Variants in SERGEF observed in about 807,000 individuals in gnomAD.
SERGEF encodes secretion-regulating guanine nucleotide exchange factor.
A neutral mutation model predicts 50.0 loss-of-function variants in SERGEF; 51 were observed. That is an observed-to-expected ratio of 1.02 (90% CI 0.81 to 1.29). The LOEUF is 1.29. SERGEF is among the 50% of genes most tolerant of loss of function. SERGEF has a pLI of 0.00. For missense variants in SERGEF, 521 were observed against 557.0 expected, an observed-to-expected ratio of 0.94 and a Z score of 0.65; for synonymous variants, 205 against 212.4, an observed-to-expected ratio of 0.97 and a Z score of 0.30.
intron 10 of SERGEF, among the ~76,000 whole-genome samples, chr11:17,810,119 A>C (rs563673902): frequency 3.2e-4 from 49 of 152,284 alleles, no homozygotes; most frequent in Non-Finnish European, 3.1e-4. Context: ...CCATTTAGGG[A>C]GAATGCCCTG....
chr11:17,815,454 A>T (rs1849955069), intron 10 of SERGEF, among the ~76,000 whole-genome samples: 2 of 151,312 alleles, frequency 1.3e-5, no homozygotes, highest in Non-Finnish European at 2.9e-5. Context: ...AAAAAAAAAA[A>T]AAATACAAAG....
At chr11:17,793,072 A>G (rs1456483204) in intron 10 of SERGEF, among the ~76,000 whole-genome samples, 2 of 152,172 alleles carry the variant, frequency 1.3e-5, no homozygotes, top group Non-Finnish European at 2.9e-5. Flanking sequence ...AATGGTACGT[A>G]GGTCCCCACT....
At chr11:17,983,953 A>G (rs1045554198) in intron 8 of SERGEF, among the ~76,000 whole-genome samples, 3 of 152,228 alleles carry the variant, frequency 2.0e-5, no homozygotes, top group Non-Finnish European at 4.4e-5. Context: ...CAAGGGACCA[A>G]GCAAAGGCCA....
intron 9 of SERGEF, among the ~76,000 whole-genome samples, chr11:17,942,366 T>C (rs1414874884): frequency 6.6e-6 from 1 of 152,226 alleles, no homozygotes; most frequent in Non-Finnish European, 1.5e-5. Context: ...CTTTTTGATA[T>C]AACTGTAAAA....
intron 10 of SERGEF, among the ~76,000 whole-genome samples, chr11:17,819,532 C>T (rs111617914): frequency 2.6e-5 from 4 of 152,202 alleles, no homozygotes; most frequent in South Asian, 2.1e-4. Flanking sequence ...TGAGGTCACA[C>T]GGTGAATGAG....
intron 9 of SERGEF, among the ~76,000 whole-genome samples, chr11:17,942,289 AGT>A (rs983617370): frequency 2.0e-5 from 3 of 152,070 alleles, no homozygotes; most frequent in African/African-American, 7.2e-5. Flanking sequence ...TTCTCCCAGC[AGT>A]GTTTTGTAGT....
intron 8 of SERGEF, among the ~76,000 whole-genome samples, chr11:17,973,117 C>T (rs1347805294): frequency 6.6e-6 from 1 of 152,144 alleles, no homozygotes. Flanking sequence ...GCTGGGAATG[C>T]GACTTGGGAG....
Position 17,809,635 on chromosome 11 carries a change from C to G in SERGEF, c.1049-21222G>C, listed in dbSNP as rs564935017. Among the ~76,000 whole-genome samples, 9 of 152,166 alleles carry G rather than the reference C, an allele frequency of 5.9e-5. No individual in the cohort carries two copies. In the South Asian group the frequency reaches 1.9e-3, roughly 32 times the overall value. On this transcript the variant is annotated intron_variant, in intron 10 of 10. Transcript: ENST00000265965. ...TCTAAGAGGAGGAGGACAAACAAAGCCTGAGCTGTCTCAGTGGCAGTGGGA... is the reference window on the plus strand; with the variant it reads ...TCTAAGAGGAGGAGGACAAACAAAGGCTGAGCTGTCTCAGTGGCAGTGGGA...
chr11:17,909,591 T>A (rs767060144), intron 9 of SERGEF, among the ~76,000 whole-genome samples: 5 of 152,228 alleles, frequency 3.3e-5, no homozygotes, highest in Non-Finnish European at 7.4e-5. Context: ...AGAATATAGA[T>A]GTCTTCTTGA....
chr11:18,006,558 T>A, intron 3 of SERGEF, 33 bp downstream of exon 3: 1 of 1,598,242 alleles, frequency 6.3e-7, no homozygotes, highest in Non-Finnish European at 8.5e-7. Context: ...AAAGCCTTTG[T>A]GGTGACAAAA....
At chr11:17,863,282 A>G (rs568506818) in intron 10 of SERGEF, among the ~76,000 whole-genome samples, 3 of 152,350 alleles carry the variant, frequency 2.0e-5, no homozygotes, top group African/African-American at 7.2e-5. Flanking sequence ...TAACGAAAAA[A>G]AAGTTTTATC....
intron 9 of SERGEF, among the ~76,000 whole-genome samples, chr11:17,933,446 T>TA (rs1194372289): frequency 6.6e-6 from 1 of 152,140 alleles, no homozygotes; most frequent in African/African-American, 2.4e-5. Flanking sequence ...GAAAGAGCAC[T>TA]AAACTGGGTA....
chr11:17,869,316 T>C (rs1041620733), intron 10 of SERGEF, among the ~76,000 whole-genome samples: 1 of 152,134 alleles, frequency 6.6e-6, no homozygotes, highest in African/African-American at 2.4e-5. Flanking sequence ...GAAAATACAT[T>C]TGCAATTCAA....
intron 8 of SERGEF, among the ~76,000 whole-genome samples, chr11:17,983,185 C>T (rs183242243): frequency 1.3e-5 from 2 of 152,274 alleles, no homozygotes; most frequent in East Asian, 1.9e-4. Context: ...TTCCAGCACC[C>T]CAAAAGCAAC....
At chr11:17,854,074 A>T (rs1048852950) in intron 10 of SERGEF, 6 of 152,056 alleles carry the variant, frequency 3.9e-5, no homozygotes, top group African/African-American at 1.2e-4. Flanking sequence ...CCTGGGCCAA[A>T]TTATTGCAGC....
intron 10 of SERGEF, among the ~76,000 whole-genome samples, chr11:17,873,054 G>C (rs1851174426): frequency 6.6e-6 from 1 of 152,184 alleles, no homozygotes; most frequent in South Asian, 2.1e-4. Flanking sequence ...GGATAGCATG[G>C]AAGGGAGTTT....
At chr11:17,990,853 G>A (rs944905876) in intron 7 of SERGEF, among the ~76,000 whole-genome samples, 3 of 149,470 alleles carry the variant, frequency 2.0e-5, no homozygotes, top group African/African-American at 4.9e-5. Flanking sequence ...TGCAACCTCC[G>A]TCACCCGGGT....
chr11:17,909,371 A>G (rs1162684445), intron 9 of SERGEF, among the ~76,000 whole-genome samples: 6 of 152,246 alleles, frequency 3.9e-5, no homozygotes, highest in African/African-American at 1.4e-4. Flanking sequence ...AAATTGTTCC[A>G]GATTCCTTGT....
Position 18,000,479 on chromosome 11 carries a change from T to A in SERGEF, c.508+18A>T, listed in dbSNP as rs1186981735. The A allele has an allele frequency of 1.2e-5, 18 of 1,528,266 alleles. No individual in the cohort carries two copies. The African/African-American group carries it at 1.7e-4, about 14-fold the overall frequency. The allele number at this position is 1,528,266 out of a possible 1,614,324, so 94.7% of individuals were successfully genotyped here. A position where few individuals can be genotyped will look rare whatever the true frequency, so the allele number is the denominator to read the frequency against. On this transcript the variant is annotated intron_variant, in intron 5 of 10. Transcript: ENST00000265965. The stretch of plus-strand genomic sequence containing the variant: ...AGTATTAAAAATAAAAATAAAAAAA[T>A]AAAGATAAGATGATCACCTGTAGCA...
Sources: gnomAD v4.1 joint callset for allele counts (sites outside exome capture counted in the v4.1 genomes callset) on GRCh38, gnomAD v4.1.1 for gene constraint, MANE v1.5 for transcripts, NCBI Gene and HGNC (gene_info 2026-07-23, HGNC 2026-07-21) for gene names.